SP4: variants seen among roughly 807,000 people sequenced by gnomAD.
SP4 encodes the protein Sp4 transcription factor.
SP4 carries 19 observed loss-of-function variants against 72.8 expected under a neutral mutation model. The observed-to-expected ratio is 0.26, with a 90% confidence interval of 0.18 to 0.38. The LOEUF is 0.38. Among genes scored for constraint, SP4 ranks in the 10% least tolerant of loss-of-function variants. The pLI, the probability that SP4 is intolerant of heterozygous loss-of-function variation, is 1.00. For synonymous variants in SP4, 395 were observed against 333.1 expected, an observed-to-expected ratio of 1.19 and a Z score of -2.02; for missense variants, 1,008 against 926.3, an observed-to-expected ratio of 1.09 and a Z score of -1.14.
At chr7:21,475,522 T>A (rs1330785850) in intron 3 of SP4, among the ~76,000 whole-genome samples, 2 of 152,060 alleles carry the variant, frequency 1.3e-5, no homozygotes, top group Non-Finnish European at 2.9e-5. Flanking sequence ...GGCTGCACAG[T>A]CTCAGCTCAC....
At chr7:21,464,122 C>CTTT (rs995083942) in intron 3 of SP4, among the ~76,000 whole-genome samples, 60 of 127,308 alleles carry the variant, frequency 4.7e-4, no homozygotes, top group African/African-American at 9.3e-4. Flanking sequence ...AGGGCGCTCT[C>CTTT]TTTTTTTTTT....
chr7:21,491,358 A>C (rs1784973297), intron 5 of SP4, among the ~76,000 whole-genome samples: 1 of 152,148 alleles, frequency 6.6e-6, no homozygotes. Context: ...GGAAATTATA[A>C]AATCTGAAGA....
At chr7:21,443,588 C>T (rs1236655428) in intron 3 of SP4, among the ~76,000 whole-genome samples, 1 of 152,158 alleles carries the variant, frequency 6.6e-6, no homozygotes, top group South Asian at 2.1e-4. Context: ...TTTTTGTTCA[C>T]AGAAGCGGAG....
intron 5 of SP4, among the ~76,000 whole-genome samples, chr7:21,492,081 A>T (rs982671466): frequency 6.6e-5 from 10 of 152,196 alleles, no homozygotes; most frequent in Non-Finnish European, 1.5e-5. Flanking sequence ...GTTAAAAAAA[A>T]TTAACATTGT....
chr7:21,503,786 T>C (rs1389532668), intron 5 of SP4, among the ~76,000 whole-genome samples: 1 of 152,204 alleles, frequency 6.6e-6, no homozygotes, highest in Non-Finnish European at 1.5e-5. Context: ...GGTCTTCCTG[T>C]TTTCTAATCA....
chr7:21,434,657 A>C (rs1445804314), intron 3 of SP4, among the ~76,000 whole-genome samples: 1 of 152,096 alleles, frequency 6.6e-6, no homozygotes, highest in Non-Finnish European at 1.5e-5. Flanking sequence ...GTTGTGTTAC[A>C]TGGATATATT....
chr7:21,434,577 A>G (rs148963731), intron 3 of SP4, among the ~76,000 whole-genome samples: 1 of 152,126 alleles, frequency 6.6e-6, no homozygotes, highest in African/African-American at 2.4e-5. Context: ...TGTTATTGGG[A>G]TTCTAAATTT....
chr7:21,477,931 A>G (rs1438482179), intron 4 of SP4, among the ~76,000 whole-genome samples: 1 of 152,218 alleles, frequency 6.6e-6, no homozygotes, highest in East Asian at 1.9e-4. Context: ...AAAGTGTACA[A>G]TTCAGTGGTT....
Position 21,437,486 on chromosome 7 carries a change from T to C in SP4, c.1678+6643T>C, listed in dbSNP as rs113836452. On this transcript the variant is annotated intron_variant, in intron 3 of 5. Coordinates refer to ENST00000222584, the MANE Select transcript of SP4 (RefSeq NM_003112.5). ...CTCACACTATGGCATGGGGTTCTAA[T>C]TTTGATGTAGTTTGACATTTTTTTT... Among the ~76,000 whole-genome samples, 274 of 152,292 alleles carry C rather than the reference T, an allele frequency of 1.8e-3. 1 individual carries two copies. Among genetic ancestry groups the C allele is most frequent in the Middle Eastern group, 0.01 (3 of 294 alleles).
intron 3 of SP4, among the ~76,000 whole-genome samples, chr7:21,434,898 TA>T (rs1450894369): frequency 9.2e-5 from 14 of 152,184 alleles, no homozygotes; most frequent in Admixed American, 3.3e-4. Flanking sequence ...AACCTTACTT[TA>T]AGCTCAAAGA....
chr7:21,474,328 G>T (rs1282678379), intron 3 of SP4, among the ~76,000 whole-genome samples: 1 of 152,194 alleles, frequency 6.6e-6, no homozygotes, highest in Non-Finnish European at 1.5e-5. Flanking sequence ...AAATACCTGT[G>T]TCTTCAGGGG....
At chr7:21,509,551 T>G (rs1277591018) in intron 5 of SP4, among the ~76,000 whole-genome samples, 1 of 152,170 alleles carries the variant, frequency 6.6e-6, no homozygotes, top group Non-Finnish European at 1.5e-5. Context: ...ATCTTCTTTG[T>G]GTTACTTCAG....
intron 3 of SP4, among the ~76,000 whole-genome samples, chr7:21,461,785 C>T (rs532772416): frequency 5.0e-4 from 76 of 152,040 alleles, no homozygotes; most frequent in African/African-American, 1.7e-3. Flanking sequence ...GCTGCCAGCA[C>T]GCTGTCACCT....
chr7:21,480,123 G>C (rs1049696943), intron 4 of SP4, among the ~76,000 whole-genome samples: 1 of 151,884 alleles, frequency 6.6e-6, no homozygotes, highest in South Asian at 2.1e-4. Flanking sequence ...TTCTTGCTTA[G>C]TTTCTCTGTC....
Position 21,430,905 on chromosome 7 carries a change from C to T in SP4, c.1678+62C>T. 3.2e-6 allele frequency: 4 copies of T among 1,263,794 alleles called. No homozygotes were observed. In the Admixed American group the frequency reaches 6.1e-5, roughly 19 times the overall value. The allele number at this position is 1,263,794 out of a possible 1,614,324, so 78.3% of individuals were successfully genotyped here. On this transcript the variant is annotated intron_variant, in intron 3 of 5. Transcript: ENST00000222584. Reference sequence around the variant, plus strand: ...GTTTTTCATAACAATTATTGCTTTTCTCTCCTAATTCTAAGGTTTGACGTA... The same window carrying T: ...GTTTTTCATAACAATTATTGCTTTTTTCTCCTAATTCTAAGGTTTGACGTA...
intron 3 of SP4, among the ~76,000 whole-genome samples, chr7:21,476,506 A>G (rs1784505754): frequency 1.3e-5 from 2 of 152,168 alleles, no homozygotes; most frequent in African/African-American, 4.8e-5. Flanking sequence ...AGTATGTAGT[A>G]ATCTTGGGTG....
At chr7:21,452,863 G>A (rs1783642639) in intron 3 of SP4, among the ~76,000 whole-genome samples, 1 of 150,708 alleles carries the variant, frequency 6.6e-6, no homozygotes, top group Non-Finnish European at 1.5e-5. Context: ...GCTCACTGCA[G>A]TCTCCACCTC....
chr7:21,489,207 CAG>C (rs1294713140), intron 5 of SP4, among the ~76,000 whole-genome samples: 1 of 152,104 alleles, frequency 6.6e-6, no homozygotes. Flanking sequence ...GGAAATGAAA[CAG>C]ATTCTGTAAA....
chr7:21,508,264 A>T (rs894185530), intron 5 of SP4, among the ~76,000 whole-genome samples: 7 of 152,120 alleles, frequency 4.6e-5, no homozygotes, highest in Non-Finnish European at 1.0e-4. Context: ...ACCTGTCCAA[A>T]CCCAAAGAAT....
Sources: allele counts gnomAD v4.1 joint callset (sites outside exome capture counted in the v4.1 genomes callset), GRCh38; gene constraint gnomAD v4.1.1; transcripts MANE v1.5; gene names NCBI Gene and HGNC (gene_info 2026-07-23, HGNC 2026-07-21).